Variants in ATXN2 observed in about 807,000 individuals in gnomAD.
ATXN2 encodes ataxin-2.
ATXN2 carries 37 observed loss-of-function variants against 138.6 expected under a neutral mutation model. The ratio of observed to expected loss-of-function variants is 0.27; its 90% CI spans 0.21 to 0.35. The LOEUF is 0.35. Ranked by LOEUF, ATXN2 falls within the 10% of genes least tolerant of loss-of-function variation. The pLI, the probability that ATXN2 is intolerant of heterozygous loss-of-function variation, is 1.00. For synonymous variants in ATXN2, 549 were observed against 543.7 expected (o/e 1.01, Z -0.13); for missense variants, 1,216 against 1,480.3 (o/e 0.82, Z 2.93).
chr12:111,463,332 T>C (rs766035705), intron 21 of ATXN2, among the ~76,000 whole-genome samples: 2 of 152,204 alleles, frequency 1.3e-5, no homozygotes, highest in Admixed American at 6.5e-5. Context: ...TCTCTCTCTG[T>C]TGCCCAGGCC....
intron 14 of ATXN2, among the ~76,000 whole-genome samples, chr12:111,489,169 A>G (rs1877847963): frequency 6.8e-6 from 1 of 147,682 alleles, no homozygotes; most frequent in South Asian, 2.1e-4. Context: ...CAACCTATAA[A>G]AAAGAAAGGT....
At chr12:111,565,527 T>C (rs1468974234) in intron 1 of ATXN2, among the ~76,000 whole-genome samples, 1 of 152,240 alleles carries the variant, frequency 6.6e-6, no homozygotes, top group Non-Finnish European at 1.5e-5. Context: ...TATAGTAATC[T>C]GTAATCAGTA....
intron 1 of ATXN2, chr12:111,564,679 C>G (rs1882893750): frequency 6.6e-6 from 1 of 151,948 alleles, no homozygotes; most frequent in Non-Finnish European, 1.5e-5. Context: ...GTCTCAGCTA[C>G]TCAAAAGGCT....
intron 1 of ATXN2, among the ~76,000 whole-genome samples, chr12:111,577,041 A>C (rs1883703317): frequency 6.6e-6 from 1 of 150,818 alleles, no homozygotes. Flanking sequence ...TCCTGACCTC[A>C]GGTGATCTGC....
intron 1 of ATXN2, among the ~76,000 whole-genome samples, chr12:111,583,766 C>CAAA (rs748838859): frequency 0.03 from 1,727 of 57,392 alleles, 215 homozygotes; most frequent in Non-Finnish European, 0.039. Flanking sequence ...GACTCCGACT[C>CAAA]AAAAAAAAAA....
chr12:111,452,805 G>A lies in ATXN2; in HGVS notation c.*7C>T. 1 of 1,613,898 alleles carries A rather than the reference G, an allele frequency of 6.2e-7. No homozygotes were observed. The highest frequency in any genetic ancestry group is 8.5e-7 in the Non-Finnish European group (1 of 1,179,866). On this transcript the variant is annotated 3_prime_UTR_variant, in exon 25 of 25. Transcript: ENST00000673436. ...GAATTTGGCCTTTCGGTTCCTCCAGGGCAGCCTTACAACTGCTGTTGGTGG... is the reference window on the plus strand; with the variant it reads ...GAATTTGGCCTTTCGGTTCCTCCAGAGCAGCCTTACAACTGCTGTTGGTGG...
At chr12:111,459,328 T>C (rs1270463857) in intron 21 of ATXN2, among the ~76,000 whole-genome samples, 1 of 152,242 alleles carries the variant, frequency 6.6e-6, no homozygotes, top group Non-Finnish European at 1.5e-5. Context: ...TCATTAAGTT[T>C]ACTTCCAGCT....
intron 18 of ATXN2, among the ~76,000 whole-genome samples, chr12:111,472,143 T>C (rs1876461570): frequency 6.6e-6 from 1 of 152,096 alleles, no homozygotes; most frequent in South Asian, 2.1e-4. Flanking sequence ...GCTGTGCATC[T>C]ATGGTCCCAG....
intron 14 of ATXN2, among the ~76,000 whole-genome samples, chr12:111,501,237 T>G (rs970441147): frequency 6.6e-6 from 1 of 152,122 alleles, no homozygotes; most frequent in Non-Finnish European, 1.5e-5. Flanking sequence ...AAATAAGTGA[T>G]GAGGTTTTTA....
intron 14 of ATXN2, among the ~76,000 whole-genome samples, chr12:111,505,601 C>G (rs1222615315): frequency 9.8e-5 from 15 of 152,314 alleles, no homozygotes; most frequent in Non-Finnish European, 2.9e-5. Flanking sequence ...TGTTCAACAT[C>G]ATTAGCCATG....
At position 111,598,214 on chromosome 12, in the gene ATXN2, G is replaced by GA; in HGVS notation, c.251+569dup. The GA allele has an allele frequency of 9.5e-7, 1 of 1,052,056 alleles. No homozygotes were observed. Among genetic ancestry groups the GA allele is most frequent in the African/African-American group, 1.7e-5 (1 of 59,644 alleles). The allele number at this position is 1,052,056 out of a possible 1,614,324, so 65.2% of individuals were successfully genotyped here. On this transcript the variant is annotated intron_variant, in intron 1 of 24. Transcript: ENST00000673436. The surrounding 1 kb of genome is among the most constrained non-coding windows in gnomAD (Gnocchi z 4.5). ...GTCCTCCGATCTTTCCCAGGACTCG[G>GA]AGGGGGCGGGGAGAGAGCCCCGACA...
intron 18 of ATXN2, among the ~76,000 whole-genome samples, chr12:111,483,102 G>A (rs939042982): frequency 2.0e-5 from 3 of 151,348 alleles, no homozygotes; most frequent in Non-Finnish European, 2.9e-5. Flanking sequence ...AGGGAGGATC[G>A]CTTGAGCCCA....
chr12:111,539,502 C>T (rs1881373809), intron 5 of ATXN2, among the ~76,000 whole-genome samples: 1 of 150,330 alleles, frequency 6.7e-6, no homozygotes. Context: ...AATCCCAGCA[C>T]TTTGGGAGGC....
At chr12:111,537,676 T>C (rs570793492) in intron 5 of ATXN2, among the ~76,000 whole-genome samples, 55 of 151,824 alleles carry the variant, frequency 3.6e-4, no homozygotes, top group African/African-American at 1.3e-3. Context: ...AATAAATCAA[T>C]AGTTGCCTGG....
chr12:111,470,449 C>G lies in ATXN2; in HGVS notation c.2709+109G>C, dbSNP rs543026364. 12 of 1,301,528 alleles carry G rather than the reference C, an allele frequency of 9.2e-6. No individual in the cohort carries two copies. The African/African-American group carries it at 1.8e-4, about 19-fold the overall frequency. 80.6% of individuals were successfully genotyped at this position (1,301,528 alleles called of 1,614,324 possible). ...AAAGGGTCCCCAAGTCCTTAGCTAT[C>G]TACCCTACCATCACACAAAAGCAAA... On this transcript the variant is annotated intron_variant, in intron 19 of 24. Transcript: ENST00000673436.
chr12:111,533,687 A>G (rs1485332878), intron 5 of ATXN2, among the ~76,000 whole-genome samples: 1 of 152,142 alleles, frequency 6.6e-6, no homozygotes, highest in Admixed American at 6.6e-5. Context: ...TACCATGGCC[A>G]GCTAATTTTT....
intron 20 of ATXN2, among the ~76,000 whole-genome samples, chr12:111,466,614 T>G (rs1380422623): frequency 6.6e-6 from 1 of 152,268 alleles, no homozygotes. Context: ...TATTTTATCA[T>G]TTAACTGTTC....
Position 111,488,510 on chromosome 12 carries a change from T to C in ATXN2, c.2206A>G (p.Lys736Glu). The C allele has an allele frequency of 6.2e-7, 1 of 1,613,782 alleles. No individual in the cohort carries two copies. The highest frequency in any genetic ancestry group is 8.5e-7 in the Non-Finnish European group (1 of 1,179,794). The change falls in exon 15 of 25, where the codon AAA becomes GAA. Residue 736 changes from lysine to glutamate, a missense_variant. Lys to Glu is a moderately conservative substitution (Grantham distance 56, BLOSUM62 1). This residue lies in a region of ATXN2 where 490 missense variants were observed against 653.5 expected (regional missense o/e 0.75). Coordinates refer to ENST00000673436, the MANE Select transcript of ATXN2 (RefSeq NM_001372574.1). ...TCTTTCTTCTCTTCCTTATCGTCTT[T>C]CTCTTGTTTACATGCTGGGCTGGAA... ...QTSSPACKQE[K>E]DDKEEKKDAA...
intron 1 of ATXN2, among the ~76,000 whole-genome samples, chr12:111,576,845 C>A (rs974798947): frequency 4.0e-5 from 6 of 151,524 alleles, no homozygotes; most frequent in Admixed American, 4.0e-4. Flanking sequence ...GTAGTCCCAG[C>A]TACTTGGGAG....
Sources: allele counts gnomAD v4.1 joint callset (sites outside exome capture counted in the v4.1 genomes callset), GRCh38; gene constraint gnomAD v4.1.1; regional missense constraint gnomAD v4.1.1; non-coding constraint Gnocchi (gnomAD v3.1); transcripts MANE v1.5; gene names NCBI Gene and HGNC (gene_info 2026-07-23, HGNC 2026-07-21).